MYB: variants seen among roughly 807,000 people sequenced by gnomAD.
The protein encoded by MYB is transcriptional activator Myb.
In MYB, 28 loss-of-function variants were observed where a neutral mutation model predicts 92.9. That is an observed-to-expected ratio of 0.30 (90% CI 0.22 to 0.41). MYB has a LOEUF of 0.41. Ranked by LOEUF, MYB falls within the 10% of genes least tolerant of loss-of-function variation. The probability of loss-of-function intolerance (pLI) is 1.00; values close to 1 mark genes in which losing one functional copy is unlikely to be tolerated. For missense variants in MYB, 679 were observed against 929.3 expected (o/e 0.73, Z 3.50); for synonymous variants, 295 against 329.1 (o/e 0.90, Z 1.12).
intron 10 of MYB, among the ~76,000 whole-genome samples, chr6:135,198,452 C>G (rs1158464833): frequency 6.6e-6 from 1 of 152,144 alleles, no homozygotes; most frequent in Admixed American, 6.5e-5. Flanking sequence ...CTGAGAGACA[C>G]AGTTTATTAT....
Position 135,208,067 on chromosome 6 carries a change from T to TAATTTTTTTTTA in MYB, c.2169+4754_2169+4755insAAATTTTTTTTT, listed in dbSNP as rs1488057674. ...TTATGAAGTTTTTATTTTTATTTTT[T>TAATTTTTTTTTA]AATTTTTTTTTTAATTTTTTTTTTT... On this transcript the variant is annotated intron_variant, in intron 15 of 15. Transcript: ENST00000341911. 1.0e-4 allele frequency among the ~76,000 whole-genome samples: 15 copies of TAATTTTTTTTTA among 143,456 alleles called. No homozygotes were observed. In the South Asian group the frequency reaches 2.2e-3, roughly 21 times the overall value. 94.1% of individuals were successfully genotyped at this position (143,456 alleles called of 152,430 possible).
intron 10 of MYB, among the ~76,000 whole-genome samples, chr6:135,198,655 A>T (rs1179859499): frequency 1.3e-5 from 2 of 152,236 alleles, no homozygotes; most frequent in Non-Finnish European, 2.9e-5. Context: ...ATTTATTGAG[A>T]GTATTTTCTC....
intron 15 of MYB, among the ~76,000 whole-genome samples, chr6:135,213,327 GCTAA>G: frequency 6.6e-6 from 1 of 152,250 alleles, no homozygotes; most frequent in East Asian, 1.9e-4. Flanking sequence ...CTTAGGAGAA[GCTAA>G]CTATTTGGAA....
intron 2 of MYB, 151 bp downstream of exon 2, chr6:135,186,171 C>G (rs1389187954): frequency 6.4e-6 from 4 of 623,396 alleles, no homozygotes; most frequent in Non-Finnish European, 1.1e-5. Flanking sequence ...CCTATGCCCC[C>G]CACTTCATTA....
rs143041487 is a variant in MYB, at chr6:135,214,485, A to G, written c.2170-3379A>G. Reference sequence around the variant, plus strand: ...TTTGTTTCAAGTATTTTTCTTTTCTATGTGTGTCTTTATGTAAATTTAAAT... The same window carrying G: ...TTTGTTTCAAGTATTTTTCTTTTCTGTGTGTGTCTTTATGTAAATTTAAAT... On this transcript the variant is annotated intron_variant, in intron 15 of 15. Transcript: ENST00000341911. 2.1e-4 allele frequency among the ~76,000 whole-genome samples: 32 copies of G among 151,980 alleles called. No individual in the cohort carries two copies. The East Asian group carries it at 6.0e-3, about 28-fold the overall frequency.
chr6:135,185,458 T>A (rs1398274703), intron 1 of MYB, among the ~76,000 whole-genome samples: 1 of 152,232 alleles, frequency 6.6e-6, no homozygotes, highest in Non-Finnish European at 1.5e-5. Context: ...AATAGCATAG[T>A]TGAATTGTTT....
chr6:135,217,947 G>A lies in MYB; in HGVS notation c.2253G>A (p.Val751=), dbSNP rs1331220743. 1 of 1,612,670 alleles carries A rather than the reference G, an allele frequency of 6.2e-7. No individual in the cohort carries two copies. The highest frequency in any genetic ancestry group is 1.3e-5 in the African/African-American group (1 of 74,878). The change falls in exon 16 of 16, where the codon GTG becomes GTA. Residue 751 remains valine (V), a synonymous_variant. Transcript: ENST00000341911. ...MTSSSQARKY[V]NAFSARTLVM Reference sequence around the variant, plus strand: ...CTTCCAGTCAAGCTCGTAAATACGTGAATGCATTCTCAGCCCGGACGCTGG... The same window carrying A: ...CTTCCAGTCAAGCTCGTAAATACGTAAATGCATTCTCAGCCCGGACGCTGG...
chr6:135,195,035 A>G (rs1314640250), intron 8 of MYB: 2 of 1,331,342 alleles, frequency 1.5e-6, no homozygotes, highest in Non-Finnish European at 2.0e-6. Flanking sequence ...GTGCTTTGCA[A>G]CATACATAGT....
Position 135,181,577 on chromosome 6 carries a change from C to T in MYB, c.23+41C>T. On this transcript the variant is annotated intron_variant, in intron 1 of 15. Transcript: ENST00000341911. This position sits in a 1 kb window ranked among gnomAD's most constrained non-coding sequence, Gnocchi z 5.3. ...GCGGGCGGCCGAGGGCGGGGGCGCG[C>T]GGGGGCGCGCGGGGCGCCAGGCTCC... 8.8e-7 allele frequency: 1 copy of T among 1,132,992 alleles called. No individual in the cohort carries two copies. The highest frequency in any genetic ancestry group is 1.1e-6 in the Non-Finnish European group (1 of 918,296). The allele number at this position is 1,132,992 out of a possible 1,614,324, so 70.2% of individuals were successfully genotyped here.
In MYB at chr6:135,182,887, G is replaced by C. The variant is rs1407074882; in HGVS notation, c.23+1351G>C. Among the ~76,000 whole-genome samples, 1 of 152,142 alleles carries C rather than the reference G, an allele frequency of 6.6e-6. No homozygotes were observed. The highest frequency in any genetic ancestry group is 1.5e-5 in the Non-Finnish European group (1 of 68,012). ...GCTCTGGGGACGAGAGGGCGACTTG[G>C]GGGAGCTCCGGGCTCCCTATGCCTA... On this transcript the variant is annotated intron_variant, in intron 1 of 15. Transcript: ENST00000341911. This position sits in a 1 kb window ranked among gnomAD's most constrained non-coding sequence, Gnocchi z 5.6.
chr6:135,187,770 T>A, intron 2 of MYB, 64 bp from the exon 3 acceptor site: 1 of 1,132,604 alleles, frequency 8.8e-7, no homozygotes, highest in Non-Finnish European at 1.3e-6. Flanking sequence ...CCTCATTCAC[T>A]TTAACTTGAA....
rs372468562 is a variant in MYB at position 135,197,073 on chromosome 6, A to G, written c.1316A>G (p.Asn439Ser). The change falls in exon 10 of 16, where the codon AAT (asparagine) becomes AGT (serine). Residue 439 changes from asparagine (N) to serine (S), a missense_variant. Asn to Ser is a conservative substitution (Grantham distance 46, BLOSUM62 1). This residue lies in a region of MYB where 402 missense variants were observed against 434.2 expected (regional missense o/e 0.93). Coordinates refer to ENST00000341911, the MANE Select transcript of MYB (RefSeq NM_001130173.2). The part of the protein sequence containing the change: ...KALQLQQREG[N>S]GTKPAGEPSP... ...CTACAGCTTCAGCAAAGAGAGGGCA[A>G]TGGGACTAAACCTGCAGGAGAACCT... The G allele has an allele frequency of 6.2e-7, 1 of 1,613,960 alleles. No individual in the cohort carries two copies. The highest frequency in any genetic ancestry group is 1.1e-5 in the South Asian group (1 of 91,096).
intron 15 of MYB, among the ~76,000 whole-genome samples, chr6:135,209,270 G>C (rs536731700): frequency 7.3e-5 from 11 of 150,982 alleles, no homozygotes; most frequent in Non-Finnish European, 1.6e-4. Flanking sequence ...GTCTCACTCT[G>C]TCACCCAGGC....
chr6:135,218,836 GT>G lies in MYB; in HGVS notation c.*863del, dbSNP rs1194462207. On this transcript the variant is annotated 3_prime_UTR_variant, in exon 16 of 16. Transcript: ENST00000341911. ...GGGAGACTCTGCATTTTTTATTGTG[GT>G]TTTTTTGTTATTGTTGGTTTATACA... The G allele has an allele frequency of 8.9e-6, 2 of 223,962 alleles. No individual in the cohort carries two copies. The highest frequency in any genetic ancestry group is 1.8e-5 in the Non-Finnish European group (2 of 112,074). The allele number at this position is 223,962 out of a possible 1,614,324, so 13.9% of individuals were successfully genotyped here.
In MYB at chr6:135,192,507, G is replaced by A; in HGVS notation, c.711G>A (p.Gln237=). ...PPTAQLPATG[Q]PTVNNDYSYY... The stretch of plus-strand genomic sequence containing the variant: ...CAGCTCAACTCCCTGCCACTGGCCA[G>A]CCCACTGTTAACAACGACTATTCCT... The change falls in exon 6 of 16, where the codon CAG becomes CAA. Residue 237 remains glutamine (Q), a synonymous_variant. Coordinates refer to ENST00000341911, the MANE Select transcript of MYB (RefSeq NM_001130173.2). 6.2e-7 allele frequency: 1 copy of A among 1,614,230 alleles called. No individual in the cohort carries two copies.
At chr6:135,202,638 G>T in intron 14 of MYB, 4 of 241,098 alleles carry the variant, frequency 1.7e-5, no homozygotes, top group Non-Finnish European at 3.3e-5. Flanking sequence ...AAAGTGCTAG[G>T]ATTACAGGCG....
chr6:135,199,136 C>A, intron 11 of MYB, 86 bp downstream of exon 11: 1 of 1,088,734 alleles, frequency 9.2e-7, no homozygotes, highest in Non-Finnish European at 1.3e-6. Flanking sequence ...GTCTGATCCA[C>A]TTGTATGTGC....
chr6:135,203,065 G>A, intron 14 of MYB, 152 bp from the exon 15 acceptor site: 1 of 699,764 alleles, frequency 1.4e-6, no homozygotes, highest in Admixed American at 2.1e-5. Context: ...TCTCCTTTTA[G>A]CTCATAGTGG....
intron 15 of MYB, among the ~76,000 whole-genome samples, chr6:135,212,647 G>T (rs773168872): frequency 1.3e-5 from 2 of 152,146 alleles, no homozygotes; most frequent in African/African-American, 2.4e-5. Context: ...GAGGATGTGT[G>T]GGTAGGATTA....
Sources: gnomAD v4.1 joint callset for allele counts (sites outside exome capture counted in the v4.1 genomes callset) on GRCh38, gnomAD v4.1.1 for gene constraint, gnomAD v4.1.1 regional missense constraint, Gnocchi (gnomAD v3.1) non-coding constraint, MANE v1.5 for transcripts, NCBI Gene and HGNC (gene_info 2026-07-23, HGNC 2026-07-21) for gene names.